The following CTNND2 variants were observed in gnomAD, a reference collection of about 807,000 sequenced individuals.
The protein encoded by CTNND2 is catenin delta-2.
A neutral mutation model predicts 144.4 loss-of-function variants in CTNND2; 22 were observed. That is an observed-to-expected ratio of 0.15 (90% CI 0.11 to 0.22). The LOEUF is 0.22. Among genes scored for constraint, CTNND2 ranks in the 10% least tolerant of loss-of-function variants. The pLI is 1.00. For missense variants in CTNND2, 1,353 were observed against 1,618.8 expected, an observed-to-expected ratio of 0.84 and a Z score of 2.82; for synonymous variants, 751 against 695.6, an observed-to-expected ratio of 1.08 and a Z score of -1.25.
In CTNND2 at chr5:11,384,552, C is replaced by G; in HGVS notation, c.1177+113G>C. On this transcript the variant is annotated intron_variant, in intron 7 of 21. Coordinates refer to ENST00000304623, the MANE Select transcript of CTNND2 (RefSeq NM_001332.4). This position sits in a 1 kb window ranked among gnomAD's most constrained non-coding sequence, Gnocchi z 5.2. ...TGGCGTTCTCTGTCTCCTGCAACTA[C>G]TACAACCTGGCAGACAGCGCGCCCG... is the stretch of plus-strand genomic sequence containing the variant. 3 of 975,114 alleles carry G rather than the reference C, an allele frequency of 3.1e-6. No homozygotes were observed. The highest frequency in any genetic ancestry group is 4.4e-6 in the Non-Finnish European group (3 of 676,290). The allele number at this position is 975,114 out of a possible 1,614,324, so 60.4% of individuals were successfully genotyped here. A position where few individuals can be genotyped will look rare whatever the true frequency, so the allele number is the denominator to read the frequency against.
At chr5:11,363,162 A>C (rs968680403) in intron 8 of CTNND2, among the ~76,000 whole-genome samples, 1 of 152,226 alleles carries the variant, frequency 6.6e-6, no homozygotes, top group Non-Finnish European at 1.5e-5. Context: ...AGACTCAGAA[A>C]AAACACTATC....
intron 2 of CTNND2, among the ~76,000 whole-genome samples, chr5:11,670,927 C>CCATGT (rs1477326348): frequency 6.6e-6 from 1 of 152,126 alleles, no homozygotes; most frequent in Admixed American, 6.5e-5. Context: ...TTATTCTTTT[C>CCATGT]CATGTTTAGT....
At chr5:11,867,400 C>T (rs1296306127) in intron 1 of CTNND2, among the ~76,000 whole-genome samples, 2 of 152,208 alleles carry the variant, frequency 1.3e-5, no homozygotes, top group East Asian at 3.8e-4. Flanking sequence ...AATAACATCT[C>T]AGATTATTAT....
chr5:11,070,252 CA>C (rs1270291418), intron 16 of CTNND2, among the ~76,000 whole-genome samples: 1 of 151,896 alleles, frequency 6.6e-6, no homozygotes, highest in African/African-American at 2.4e-5. Flanking sequence ...TGGTTAAATT[CA>C]GCAGAGAAAT....
At chr5:11,789,559 T>C (rs1035994712) in intron 1 of CTNND2, among the ~76,000 whole-genome samples, 3 of 152,170 alleles carry the variant, frequency 2.0e-5, no homozygotes, top group Non-Finnish European at 1.5e-5. Context: ...AGGAAAGCTA[T>C]TGATTTTTGT....
At chr5:11,567,939 G>A (rs988246104) in intron 2 of CTNND2, among the ~76,000 whole-genome samples, 3 of 152,156 alleles carry the variant, frequency 2.0e-5, no homozygotes, top group African/African-American at 7.2e-5. Context: ...CTTTTATGAA[G>A]CACATTAAGT....
intron 16 of CTNND2, among the ~76,000 whole-genome samples, chr5:11,034,237 T>G (rs762782147): frequency 6.6e-6 from 1 of 152,230 alleles, no homozygotes; most frequent in Admixed American, 6.5e-5. Context: ...TTTTTAATAA[T>G]ACGAATTTTT....
chr5:11,499,669 A>G (rs1282267229), intron 3 of CTNND2, among the ~76,000 whole-genome samples: 5 of 152,212 alleles, frequency 3.3e-5, no homozygotes, highest in Non-Finnish European at 7.3e-5. Context: ...CATGCCAATT[A>G]TCAGAAAACC....
chr5:11,779,154 A>C (rs766109889), intron 1 of CTNND2, among the ~76,000 whole-genome samples: 5 of 152,196 alleles, frequency 3.3e-5, no homozygotes, highest in Admixed American at 1.3e-4. Flanking sequence ...CAGTTAATTT[A>C]AAGAGGCAAG....
At chr5:11,112,794 C>T (rs116651452) in intron 13 of CTNND2, among the ~76,000 whole-genome samples, 2,027 of 152,268 alleles carry the variant, frequency 0.013, 41 homozygotes, top group African/African-American at 0.046. Flanking sequence ...GGGCAAAGTG[C>T]TTAATCTTTC....
intron 1 of CTNND2, among the ~76,000 whole-genome samples, chr5:11,739,645 G>T (rs1200612382): frequency 6.6e-6 from 1 of 152,122 alleles, no homozygotes; most frequent in Non-Finnish European, 1.5e-5. Context: ...ACAAGACAAG[G>T]ATGCCCTCTC....
intron 10 of CTNND2, among the ~76,000 whole-genome samples, chr5:11,202,910 T>C (rs1029302171): frequency 6.6e-6 from 1 of 152,194 alleles, no homozygotes; most frequent in East Asian, 1.9e-4. Flanking sequence ...GTTCAAGCAA[T>C]TCTCCTTTCT....
intron 9 of CTNND2, among the ~76,000 whole-genome samples, chr5:11,331,648 C>G (rs1753151973): frequency 6.6e-6 from 1 of 152,150 alleles, no homozygotes; most frequent in Non-Finnish European, 1.5e-5. Context: ...GTACTTAGAA[C>G]ATATTTGTTG....
At chr5:11,240,407 CCA>C (rs1394027729) in intron 9 of CTNND2, among the ~76,000 whole-genome samples, 7 of 95,846 alleles carry the variant, frequency 7.3e-5, no homozygotes, top group Admixed American at 2.4e-4. Flanking sequence ...ACACACACAC[CCA>C]CAACACACAC....
intron 10 of CTNND2, among the ~76,000 whole-genome samples, chr5:11,230,650 G>GTGT (rs1740901248): frequency 6.6e-6 from 1 of 152,154 alleles, no homozygotes; most frequent in Non-Finnish European, 1.5e-5. Flanking sequence ...CTAACTTACT[G>GTGT]TGTTTGCAGC....
rs1276496700 is a variant in CTNND2, at chr5:10,972,400, A to C, written c.*1053T>G. 6.6e-6 allele frequency: 1 copy of C among 152,264 alleles called. No individual in the cohort carries two copies. Among genetic ancestry groups the C allele is most frequent in the Non-Finnish European group, 1.5e-5 (1 of 68,044 alleles). The allele number at this position is 152,264 out of a possible 1,614,324, so 9.4% of individuals were successfully genotyped here. A position where few individuals can be genotyped will look rare whatever the true frequency, so the allele number is the denominator to read the frequency against. The stretch of plus-strand genomic sequence containing the variant: ...CAGCAAATGAAATAGCTTCTGTCAA[A>C]ATAAAATCTCACACAGGTAATTTTT... On this transcript the variant is annotated 3_prime_UTR_variant, in exon 22 of 22. Coordinates refer to ENST00000304623, the MANE Select transcript of CTNND2 (RefSeq NM_001332.4).
intron 11 of CTNND2, among the ~76,000 whole-genome samples, chr5:11,179,092 A>C (rs1033200420): frequency 6.6e-6 from 1 of 152,144 alleles, no homozygotes; most frequent in Non-Finnish European, 1.5e-5. Context: ...GGATGGACAC[A>C]TTTCAAGGCA....
intron 3 of CTNND2, among the ~76,000 whole-genome samples, chr5:11,564,572 T>C (rs1387418496): frequency 6.6e-6 from 1 of 152,102 alleles, no homozygotes; most frequent in African/African-American, 2.4e-5. Context: ...TCCACCAGAA[T>C]GTTCTCACTT....
At chr5:11,433,031 T>A (rs1376086119) in intron 3 of CTNND2, among the ~76,000 whole-genome samples, 2 of 152,132 alleles carry the variant, frequency 1.3e-5, no homozygotes, top group Non-Finnish European at 2.9e-5. Flanking sequence ...GATCACGAGG[T>A]CAGAAGATCG....
Sources: gnomAD v4.1 joint callset for allele counts (sites outside exome capture counted in the v4.1 genomes callset) on GRCh38, gnomAD v4.1.1 for gene constraint, Gnocchi (gnomAD v3.1) non-coding constraint, MANE v1.5 for transcripts, NCBI Gene and HGNC (gene_info 2026-07-23, HGNC 2026-07-21) for gene names.